The following APBB2 variants were observed in gnomAD, a reference collection of about 807,000 sequenced individuals.
The protein encoded by APBB2 is Fe65-like 1.
APBB2 carries 38 observed loss-of-function variants against 82.5 expected under a neutral mutation model. That is an observed-to-expected ratio of 0.46 (90% CI 0.36 to 0.60). The LOEUF (loss-of-function observed/expected upper bound fraction) is 0.60. Ranked by LOEUF, APBB2 falls within the 20% of genes least tolerant of loss-of-function variation. APBB2 has a pLI of 0.00. For synonymous variants in APBB2, 341 were observed against 368.2 expected (o/e 0.93, Z 0.85); for missense variants, 772 against 972.3 (o/e 0.79, Z 2.74).
chr4:41,002,246 GA>G (rs1255549031), intron 6 of APBB2, among the ~76,000 whole-genome samples: 1 of 152,196 alleles, frequency 6.6e-6, no homozygotes, highest in Non-Finnish European at 1.5e-5. Context: ...CCTAGGTTTT[GA>G]AAAGCTAATG....
chr4:41,033,789 A>G (rs1718045046), intron 4 of APBB2, among the ~76,000 whole-genome samples: 1 of 152,236 alleles, frequency 6.6e-6, no homozygotes, highest in Non-Finnish European at 1.5e-5. Context: ...CTTTATATAG[A>G]AAGAGTTCCT....
At chr4:40,864,879 G>A (rs1287740383) in intron 12 of APBB2, among the ~76,000 whole-genome samples, 1 of 141,784 alleles carries the variant, frequency 7.1e-6, no homozygotes, top group East Asian at 2.2e-4. Flanking sequence ...TTTTTTTAGA[G>A]ACAGGGTCTC....
At chr4:41,121,727 A>G (rs1330256079) in intron 2 of APBB2, among the ~76,000 whole-genome samples, 2 of 152,078 alleles carry the variant, frequency 1.3e-5, no homozygotes, top group African/African-American at 4.8e-5. Flanking sequence ...GGCTCTCTAT[A>G]TAGGGTCCCC....
chr4:40,978,266 C>T (rs1190728318), intron 6 of APBB2, among the ~76,000 whole-genome samples: 2 of 152,216 alleles, frequency 1.3e-5, no homozygotes, highest in East Asian at 1.9e-4. Context: ...TTGGCTCCTA[C>T]CTGACCAGAG....
intron 3 of APBB2, 24 bp downstream of exon 3, chr4:41,100,615 A>T (rs1414908333): frequency 2.0e-5 from 3 of 152,220 alleles, no homozygotes; most frequent in African/African-American, 7.2e-5. Context: ...AGAATTTTTT[A>T]AAAGCAAGTT....
intron 4 of APBB2, among the ~76,000 whole-genome samples, chr4:41,064,068 T>A (rs1730801746): frequency 6.7e-6 from 1 of 149,924 alleles, no homozygotes; most frequent in South Asian, 2.1e-4. Context: ...AAGCTCCGCT[T>A]CCCGGGTTCA....
rs778258117 is a variant in APBB2 at position 40,812,244 on chromosome 4, G to A, written c.*3848C>T. ...TAATTTAAAAATAACTAGAGACACCGAGTTTCTATTTCTATTCCTTGTATA... is the reference window on the plus strand; with the variant it reads ...TAATTTAAAAATAACTAGAGACACCAAGTTTCTATTTCTATTCCTTGTATA... On this transcript the variant is annotated 3_prime_UTR_variant, in exon 18 of 18. Transcript: ENST00000508593. 1 of 152,216 alleles carries A rather than the reference G, an allele frequency of 6.6e-6. No homozygotes were observed. The highest frequency in any genetic ancestry group is 1.5e-5 in the Non-Finnish European group (1 of 68,040). The allele number at this position is 152,216 out of a possible 1,614,324, so 9.4% of individuals were successfully genotyped here. A position where few individuals can be genotyped will look rare whatever the true frequency, so the allele number is the denominator to read the frequency against.
chr4:40,838,924 T>C (rs1209298241), intron 12 of APBB2, among the ~76,000 whole-genome samples: 1 of 152,202 alleles, frequency 6.6e-6, no homozygotes, highest in Non-Finnish European at 1.5e-5. Flanking sequence ...AGGCTAACTT[T>C]TCAAAGTCCC....
chr4:41,012,742 CT>C (rs1483222330), intron 6 of APBB2, among the ~76,000 whole-genome samples: 1 of 152,156 alleles, frequency 6.6e-6, no homozygotes, highest in Non-Finnish European at 1.5e-5. Flanking sequence ...AGGGGAACTG[CT>C]GGACTACTTT....
chr4:41,018,767 A>G (rs1193707451), intron 5 of APBB2, among the ~76,000 whole-genome samples: 2 of 152,232 alleles, frequency 1.3e-5, no homozygotes, highest in East Asian at 3.8e-4. Flanking sequence ...CTGAACCAAC[A>G]AAGAGGTAAG....
At chr4:41,202,029 G>A (rs1419132517) in intron 1 of APBB2, among the ~76,000 whole-genome samples, 1 of 152,184 alleles carries the variant, frequency 6.6e-6, no homozygotes, top group African/African-American at 2.4e-5. Flanking sequence ...TTGCACTGAG[G>A]TGAGAACATG....
intron 1 of APBB2, among the ~76,000 whole-genome samples, chr4:41,157,117 AG>A (rs1283807338): frequency 2.0e-5 from 3 of 150,930 alleles, no homozygotes; most frequent in Non-Finnish European, 4.4e-5. Context: ...CAGATGGAGA[AG>A]GGATTAGGGA....
intron 4 of APBB2, among the ~76,000 whole-genome samples, chr4:41,046,503 A>C (rs141691970): frequency 2.2e-4 from 34 of 152,368 alleles, no homozygotes; most frequent in African/African-American, 7.9e-4. Flanking sequence ...AATGAGATGA[A>C]GCCTTAATAT....
At chr4:40,846,015 GGTGTGTGT>G (rs58613884) in intron 12 of APBB2, among the ~76,000 whole-genome samples, 59,676 of 119,356 alleles carry the variant, frequency 0.5, 15,849 homozygotes, top group Non-Finnish European at 0.56. Flanking sequence ...GTGTGAGTGG[GGTGTGTGT>G]GTGTGTGTGT....
intron 7 of APBB2, among the ~76,000 whole-genome samples, chr4:40,942,614 A>C (rs1485694050): frequency 6.6e-6 from 1 of 152,122 alleles, no homozygotes; most frequent in Non-Finnish European, 1.5e-5. Flanking sequence ...ACAGATTTTT[A>C]AGAGCAGTGA....
intron 12 of APBB2, among the ~76,000 whole-genome samples, chr4:40,866,667 C>T (rs11722960): frequency 0.24 from 37,051 of 152,050 alleles, 4,802 homozygotes; most frequent in African/African-American, 0.32. Flanking sequence ...TCGGATTCAA[C>T]TGGAAGTTCC....
At position 40,987,808 on chromosome 4, in the gene APBB2, C is replaced by T. The variant is rs1260912395; in HGVS notation, c.835+25775G>A. ...ATTAAGCCTCTCTCTAAGAATCTAG[C>T]AGATTCATCCTAAGCATGTGTTGAA... On this transcript the variant is annotated intron_variant, in intron 6 of 17. Coordinates refer to ENST00000508593, the MANE Select transcript of APBB2 (RefSeq NM_004307.2). Among the ~76,000 whole-genome samples the T allele has an allele frequency of 3.3e-5, 5 of 152,226 alleles. No homozygotes were observed. In the East Asian group the frequency reaches 9.7e-4, roughly 29 times the overall value.
chr4:41,070,720 T>C (rs1733562199), intron 3 of APBB2, among the ~76,000 whole-genome samples: 1 of 152,208 alleles, frequency 6.6e-6, no homozygotes, highest in South Asian at 2.1e-4. Flanking sequence ...ACGTGACATT[T>C]TTCTGAACTG....
At chr4:41,117,305 T>A (rs1211131062) in intron 2 of APBB2, among the ~76,000 whole-genome samples, 4 of 149,732 alleles carry the variant, frequency 2.7e-5, no homozygotes, top group African/African-American at 9.8e-5. Context: ...ATTTTTTTTT[T>A]TTTTTGAGAT....
Sources: allele counts gnomAD v4.1 joint callset (sites outside exome capture counted in the v4.1 genomes callset), GRCh38; gene constraint gnomAD v4.1.1; transcripts MANE v1.5; gene names NCBI Gene and HGNC (gene_info 2026-07-23, HGNC 2026-07-21).